STX7: variants seen among roughly 807,000 people sequenced by gnomAD.
STX7 encodes the protein syntaxin 7.
Under a neutral mutation model 39.6 loss-of-function variants are expected in STX7, and 34 were observed. That is an observed-to-expected ratio of 0.86 (90% CI 0.65 to 1.14). The LOEUF (loss-of-function observed/expected upper bound fraction) is 1.14. Among genes scored for constraint, STX7 ranks in the 50% most tolerant of loss-of-function variants. The pLI, the probability that STX7 is intolerant of heterozygous loss-of-function variation, is 0.00. For synonymous variants in STX7, 119 were observed against 99.1 expected (o/e 1.20, Z -1.19); for missense variants, 284 against 310.4 (o/e 0.92, Z 0.64).
chr6:132,513,401 T>A (rs139206404), upstream of STX7, among the ~76,000 whole-genome samples: 875 of 152,380 alleles, frequency 5.7e-3, 5 homozygotes, highest in Admixed American at 8.8e-3. Context: ...AGCTCTTGCC[T>A]GTCTTGTTTG....
chr6:132,489,784 C>A (rs888564924), intron 2 of STX7, among the ~76,000 whole-genome samples: 1 of 152,180 alleles, frequency 6.6e-6, no homozygotes, highest in Non-Finnish European at 1.5e-5. Context: ...TTACAACACA[C>A]TTAATTTTCA....
At chr6:132,475,553 GT>G (rs774665971) in intron 3 of STX7, 39 bp downstream of exon 3, 112 of 1,415,444 alleles carry the variant, frequency 7.9e-5, no homozygotes, top group Admixed American at 6.5e-4. Context: ...TAGCAATAGA[GT>G]TTTTTCTTTC....
intron 2 of STX7, among the ~76,000 whole-genome samples, chr6:132,478,047 A>T (rs1156830563): frequency 6.6e-6 from 1 of 152,170 alleles, no homozygotes; most frequent in South Asian, 2.1e-4. Context: ...TACATAATAT[A>T]TAAGAAAGAG....
In STX7 at chr6:132,460,654, T is replaced by A. The variant is rs1041779187; in HGVS notation, c.*104A>T. On this transcript the variant is annotated 3_prime_UTR_variant, in exon 10 of 10. Coordinates refer to ENST00000367941, the MANE Select transcript of STX7 (RefSeq NM_003569.3). ...TAAAAATAACAAAGTATGGGAACCA[T>A]CCTTTATACAATAGCTTTAAAATAA... 32 of 886,756 alleles carry A rather than the reference T, an allele frequency of 3.6e-5. No individual in the cohort carries two copies. The highest frequency in any genetic ancestry group is 5.4e-5 in the Non-Finnish European group (32 of 596,310). 54.9% of individuals were successfully genotyped at this position (886,756 alleles called of 1,614,324 possible).
chr6:132,512,030 C>CA (rs1775857876), intron 1 of STX7, among the ~76,000 whole-genome samples: 1 of 152,126 alleles, frequency 6.6e-6, no homozygotes, highest in Non-Finnish European at 1.5e-5. Flanking sequence ...GCCAACTTCT[C>CA]AAAGTAGCCT....
chr6:132,461,084 CA>C lies in STX7; in HGVS notation c.694-235del, dbSNP rs535505880. Among the ~76,000 whole-genome samples, 1,032 of 152,224 alleles carry C rather than the reference CA, an allele frequency of 6.8e-3. 3 individuals carry two copies. The highest frequency in any genetic ancestry group is 0.013 in the South Asian group (63 of 4,814). The stretch of plus-strand genomic sequence containing the variant: ...TGCTACAATTAAGGGAGCAATTTTT[CA>C]ACTTTCATTGGTAATTTTTCTAAGG... On this transcript the variant is annotated intron_variant, in intron 9 of 9. Coordinates refer to ENST00000367941, the MANE Select transcript of STX7 (RefSeq NM_003569.3).
rs1056375726 is a variant in STX7, at chr6:132,480,588, G to A, written c.86-4926C>T. Among the ~76,000 whole-genome samples, 8 of 152,256 alleles carry A rather than the reference G, an allele frequency of 5.3e-5. No homozygotes were observed. The East Asian group carries it at 7.7e-4, about 15-fold the overall frequency. The stretch of plus-strand genomic sequence containing the variant: ...ATGTTGATTGAGGTAATTATTAAGC[G>A]GAATTTGGGGTACGCTCATACACAA... On this transcript the variant is annotated intron_variant, in intron 2 of 9. Coordinates refer to ENST00000367941, the MANE Select transcript of STX7 (RefSeq NM_003569.3).
intron 2 of STX7, among the ~76,000 whole-genome samples, chr6:132,478,078 T>C (rs1300491824): frequency 6.6e-6 from 1 of 151,916 alleles, no homozygotes; most frequent in Non-Finnish European, 1.5e-5. Flanking sequence ...TCAATAACTA[T>C]AAATAATTTA....
intron 1 of STX7, among the ~76,000 whole-genome samples, chr6:132,507,137 T>C (rs1775723337): frequency 6.6e-6 from 1 of 152,104 alleles, no homozygotes; most frequent in African/African-American, 2.4e-5. Flanking sequence ...AAGAAGACAT[T>C]GGAGACTCAA....
At position 132,452,940 on chromosome 6, in the gene STX7, A is replaced by G. The variant is rs1774164017; in HGVS notation, c.*7818T>C. ...TGGCTAAAACAATTTTGAAAAAGAA[A>G]GTGGAATAAACCAGCCTATTTGATT... On this transcript the variant is annotated 3_prime_UTR_variant, in exon 10 of 10. Coordinates refer to ENST00000367941, the MANE Select transcript of STX7 (RefSeq NM_003569.3). 6.6e-6 allele frequency: 1 copy of G among 152,164 alleles called. No homozygotes were observed. Among genetic ancestry groups the G allele is most frequent in the African/African-American group, 2.4e-5 (1 of 41,456 alleles). 9.4% of individuals were successfully genotyped at this position (152,164 alleles called of 1,614,324 possible).
chr6:132,484,648 C>T (rs1294076097), intron 2 of STX7, among the ~76,000 whole-genome samples: 6 of 151,850 alleles, frequency 4.0e-5, no homozygotes, highest in Non-Finnish European at 2.9e-5. Context: ...AACAGCCAAA[C>T]ATAGAAAAAA....
At chr6:132,475,709 T>C (rs1186162306) in intron 2 of STX7, 47 bp from the exon 3 acceptor site, 1 of 1,379,464 alleles carries the variant, frequency 7.2e-7, no homozygotes, top group South Asian at 1.3e-5. Flanking sequence ...AAAGTTAAGG[T>C]AACAGAAAGA....
intron 2 of STX7, among the ~76,000 whole-genome samples, chr6:132,476,096 T>A (rs2114393749): frequency 6.6e-6 from 1 of 152,286 alleles, no homozygotes; most frequent in East Asian, 1.9e-4. Context: ...TTTTCAATTA[T>A]CCATGTAATA....
chr6:132,496,429 G>A (rs1760709757), intron 2 of STX7, among the ~76,000 whole-genome samples: 1 of 151,986 alleles, frequency 6.6e-6, no homozygotes, highest in Admixed American at 6.6e-5. Flanking sequence ...AATTCTGACA[G>A]GATACAAACC....
Position 132,448,291 on chromosome 6 carries a change from A to AT in STX7, c.*12466dup, listed in dbSNP as rs1667738167. Reference sequence around the variant, plus strand: ...TTATTTACATTTCCCATGATTACTGATTTTTTAGCTCACCATACCTTCTTG... The same window carrying AT: ...TTATTTACATTTCCCATGATTACTGATTTTTTTAGCTCACCATACCTTCTTG... On this transcript the variant is annotated 3_prime_UTR_variant, in exon 10 of 10. Coordinates refer to ENST00000367941, the MANE Select transcript of STX7 (RefSeq NM_003569.3). The AT allele has an allele frequency of 6.6e-6, 1 of 152,042 alleles. No individual in the cohort carries two copies. Among genetic ancestry groups the AT allele is most frequent in the African/African-American group, 2.4e-5 (1 of 41,414 alleles). The allele number at this position is 152,042 out of a possible 1,614,324, so 9.4% of individuals were successfully genotyped here.
intron 1 of STX7, among the ~76,000 whole-genome samples, chr6:132,504,450 G>A (rs1775649179): frequency 6.6e-6 from 1 of 152,134 alleles, no homozygotes; most frequent in Non-Finnish European, 1.5e-5. Flanking sequence ...ATCAGGGTTT[G>A]GAAAGAAGGT....
rs1163661928 is a variant in STX7 at position 132,451,737 on chromosome 6, ATAAAT to A, written c.*9016_*9020del. On this transcript the variant is annotated 3_prime_UTR_variant, in exon 10 of 10. Coordinates refer to ENST00000367941, the MANE Select transcript of STX7 (RefSeq NM_003569.3). Reference sequence around the variant, plus strand: ...ACTGTCACAACTCAATATGAAATAGATAAATTAAACAGCCATATAACTATTGTAAA... The same window carrying A: ...ACTGTCACAACTCAATATGAAATAGATAAACAGCCATATAACTATTGTAAA... 3 of 152,232 alleles carry A rather than the reference ATAAAT, an allele frequency of 2.0e-5. No homozygotes were observed. Among genetic ancestry groups the A allele is most frequent in the South Asian group, 2.1e-4 (1 of 4,836 alleles). The allele number at this position is 152,232 out of a possible 1,614,324, so 9.4% of individuals were successfully genotyped here.
intron 3 of STX7, among the ~76,000 whole-genome samples, chr6:132,473,407 C>T (rs1226956424): frequency 6.6e-6 from 1 of 151,860 alleles, no homozygotes; most frequent in Admixed American, 6.6e-5. Context: ...TGCATATCCT[C>T]CCATATCTTT....
chr6:132,464,151 T>C, intron 8 of STX7, 76 bp from the exon 9 acceptor site: 1 of 1,367,804 alleles, frequency 7.3e-7, no homozygotes, highest in Non-Finnish European at 1.0e-6. Flanking sequence ...TAAATTTCAT[T>C]CAAGGTAAGA....
Sources: allele counts gnomAD v4.1 joint callset (sites outside exome capture counted in the v4.1 genomes callset), GRCh38; gene constraint gnomAD v4.1.1; transcripts MANE v1.5; gene names NCBI Gene and HGNC (gene_info 2026-07-23, HGNC 2026-07-21).